PCDHA5: variants seen among roughly 807,000 people sequenced by gnomAD.
PCDHA5 encodes protocadherin alpha-5.
Under a neutral mutation model 61.6 loss-of-function variants are expected in PCDHA5, and 43 were observed. The observed-to-expected ratio is 0.70, with a 90% CI of 0.55 to 0.90. PCDHA5 has a LOEUF of 0.90. Among genes scored for constraint, PCDHA5 ranks in the 40% least tolerant of loss-of-function variants. The pLI, the probability that PCDHA5 is intolerant of heterozygous loss-of-function variation, is 0.00. For missense variants in PCDHA5, 1,298 were observed against 1,222.7 expected (o/e 1.06, Z -0.92); for synonymous variants, 627 against 543.9 (o/e 1.15, Z -2.13).
Position 140,821,913 on chromosome 5 carries a change from C to T in PCDHA5, c.138C>T (p.Arg46=), listed in dbSNP as rs1767111561. Residue 46 remains arginine (R), a synonymous_variant, in exon 1 of 4, where the codon CGC becomes CGT. Transcript: ENST00000529859. Reference sequence around the variant, plus strand: ...CCAAACACGGAACCTTCGTTGGCCGCATCGCGCAGGACCTAGGGCTGGAGC... The same window carrying T: ...CCAAACACGGAACCTTCGTTGGCCGTATCGCGCAGGACCTAGGGCTGGAGC... The part of the protein sequence containing the change: ...EEAKHGTFVG[R]IAQDLGLELA... 6.2e-7 allele frequency: 1 copy of T among 1,614,128 alleles called. No homozygotes were observed. Among genetic ancestry groups the T allele is most frequent in the African/African-American group, 1.3e-5 (1 of 74,948 alleles).
At chr5:140,889,267 A>C (rs1376262292) in intron 1 of PCDHA5, among the ~76,000 whole-genome samples, 1 of 151,966 alleles carries the variant, frequency 6.6e-6, no homozygotes. Context: ...AAGTTTGTAT[A>C]ATCTTTGAAT....
chr5:140,852,798 T>A, intron 1 of PCDHA5: 1 of 976,860 alleles, frequency 1.0e-6, no homozygotes, highest in Non-Finnish European at 1.2e-6. Context: ...GCTACAGATG[T>A]CATTTGTCTC....
intron 2 of PCDHA5, 125 bp downstream of exon 2, chr5:140,979,132 A>T: frequency 4.8e-6 from 7 of 1,471,500 alleles, no homozygotes; most frequent in Non-Finnish European, 6.3e-6. Context: ...TGCCAGGAAA[A>T]TGCAATTATT....
At chr5:140,952,721 G>A (rs781821007) in intron 1 of PCDHA5, among the ~76,000 whole-genome samples, 1 of 152,100 alleles carries the variant, frequency 6.6e-6, no homozygotes, top group Non-Finnish European at 1.5e-5. Context: ...TCAATTTTCT[G>A]TACTAGTCTT....
In PCDHA5 at chr5:140,848,069, G is replaced by A. The variant is rs116084528; in HGVS notation, c.2352+23942G>A. 759 of 162,530 alleles carry A rather than the reference G, an allele frequency of 4.7e-3. 42 individuals are homozygous for A. The highest frequency in any genetic ancestry group is 0.017 in the African/African-American group (710 of 41,160). 10.1% of individuals were successfully genotyped at this position (162,530 alleles called of 1,614,324 possible). A position where few individuals can be genotyped will look rare whatever the true frequency, so the allele number is the denominator to read the frequency against. ...TTTTAATTGTTACTTCATTTCTGTC[G>A]TTATTTAAAACTTAAGTGGAGAGTT... On this transcript the variant is annotated intron_variant, in intron 1 of 3. Transcript: ENST00000529859.
chr5:140,879,390 A>T (rs2057972127), intron 1 of PCDHA5, among the ~76,000 whole-genome samples: 1 of 152,202 alleles, frequency 6.6e-6, no homozygotes, highest in Admixed American at 6.5e-5. Context: ...TTGGAGAAAC[A>T]GTTTGTGTGT....
intron 1 of PCDHA5, chr5:140,836,158 C>A (rs1774252589): frequency 6.2e-7 from 1 of 1,613,784 alleles, no homozygotes; most frequent in African/African-American, 1.3e-5. Flanking sequence ...CATGTGGTGG[C>A]GAAGGTACGT....
chr5:140,924,238 T>A (rs781820581), intron 1 of PCDHA5, among the ~76,000 whole-genome samples: 5 of 152,244 alleles, frequency 3.3e-5, no homozygotes, highest in Admixed American at 1.3e-4. Flanking sequence ...ATGGGCTGTT[T>A]TGCATCCTGG....
At chr5:140,956,629 G>A (rs1554222520) in intron 1 of PCDHA5, among the ~76,000 whole-genome samples, 1 of 152,060 alleles carries the variant, frequency 6.6e-6, no homozygotes, top group Non-Finnish European at 1.5e-5. Flanking sequence ...TTGCATCTCT[G>A]CCAGGTTTTG....
intron 3 of PCDHA5, among the ~76,000 whole-genome samples, chr5:141,008,863 C>T (rs902385521): frequency 6.6e-6 from 1 of 152,204 alleles, no homozygotes. Flanking sequence ...CTCTTCCATG[C>T]TGCATCCCAC....
At chr5:140,848,275 T>G in intron 1 of PCDHA5, 2 of 545,056 alleles carry the variant, frequency 3.7e-6, no homozygotes, top group Non-Finnish European at 3.2e-6. Flanking sequence ...TCATGAAATA[T>G]GTACTTACAC....
intron 1 of PCDHA5, chr5:140,859,719 T>C (rs1562546995): frequency 6.5e-6 from 1 of 154,108 alleles, no homozygotes; most frequent in Non-Finnish European, 1.4e-5. Flanking sequence ...CAAAAAAAAA[T>C]TGTGGCAAGA....
intron 1 of PCDHA5, among the ~76,000 whole-genome samples, chr5:140,844,486 G>T (rs1279388855): frequency 6.7e-6 from 1 of 148,992 alleles, no homozygotes; most frequent in Non-Finnish European, 1.5e-5. Context: ...CTATGTTTAG[G>T]AAATGATTAC....
intron 1 of PCDHA5, among the ~76,000 whole-genome samples, chr5:140,888,046 A>G (rs2061675850): frequency 6.6e-6 from 1 of 152,214 alleles, no homozygotes; most frequent in South Asian, 2.1e-4. Flanking sequence ...CATGTATAAT[A>G]GATGTTTTAA....
chr5:140,869,719 C>T, intron 1 of PCDHA5: 1 of 1,613,314 alleles, frequency 6.2e-7, no homozygotes, highest in Admixed American at 1.7e-5. Flanking sequence ...AGAGAAAACT[C>T]CGGAACTTAA....
chr5:140,980,091 T>A (rs2096876102), intron 2 of PCDHA5, among the ~76,000 whole-genome samples: 1 of 152,218 alleles, frequency 6.6e-6, no homozygotes, highest in Non-Finnish European at 1.5e-5. Flanking sequence ...GTAGTTGGCT[T>A]GGTAAGATGT....
intron 1 of PCDHA5, chr5:140,883,159 G>A (rs782151764): frequency 3.1e-6 from 5 of 1,613,846 alleles, no homozygotes; most frequent in Admixed American, 3.3e-5. Context: ...CCATAAATCC[G>A]AACAATGGAG....
chr5:140,882,451 G>C, intron 1 of PCDHA5: 1 of 1,614,040 alleles, frequency 6.2e-7, no homozygotes. Flanking sequence ...AGCTGGTGCC[G>C]CGCCTGTTCC....
At chr5:140,970,135 G>C (rs1317802980) in intron 1 of PCDHA5, among the ~76,000 whole-genome samples, 1 of 152,016 alleles carries the variant, frequency 6.6e-6, no homozygotes, top group Non-Finnish European at 1.5e-5. Context: ...GAAGAGAAGG[G>C]AAAAAGAATT....
Sources: gnomAD v4.1 joint callset for allele counts (sites outside exome capture counted in the v4.1 genomes callset) on GRCh38, gnomAD v4.1.1 for gene constraint, MANE v1.5 for transcripts, NCBI Gene and HGNC (gene_info 2026-07-23, HGNC 2026-07-21) for gene names.